The following TXK variants were observed in gnomAD, a reference collection of about 807,000 sequenced individuals.
TXK encodes TXK tyrosine kinase.
In TXK, 60 loss-of-function variants were observed where a neutral mutation model predicts 81.0. The observed-to-expected ratio is 0.74, with a 90% CI of 0.60 to 0.92. TXK has a LOEUF of 0.92. Among genes scored for constraint, TXK ranks in the 40% least tolerant of loss-of-function variants. The probability of loss-of-function intolerance (pLI) is 0.00; values close to 1 mark genes in which losing one functional copy is unlikely to be tolerated. For synonymous variants in TXK, 203 were observed against 210.7 expected (o/e 0.96, Z 0.32); for missense variants, 581 against 638.3 (o/e 0.91, Z 0.97).
chr4:48,095,672 C>A (rs879862705), intron 6 of TXK, among the ~76,000 whole-genome samples: 3 of 151,816 alleles, frequency 2.0e-5, no homozygotes, highest in Admixed American at 6.6e-5. Context: ...GGGAAGGACA[C>A]CAGAGTTCAT....
chr4:48,125,512 G>A (rs1235529104), intron 1 of TXK, among the ~76,000 whole-genome samples: 1 of 152,210 alleles, frequency 6.6e-6, no homozygotes, highest in Non-Finnish European at 1.5e-5. Flanking sequence ...AAAGGCAGAT[G>A]TTTCCCCCGT....
At chr4:48,121,483 T>C (rs561130941) in intron 1 of TXK, among the ~76,000 whole-genome samples, 2 of 152,206 alleles carry the variant, frequency 1.3e-5, no homozygotes, top group African/African-American at 4.8e-5. Flanking sequence ...CCAGTGTCCA[T>C]GGGAGATTGG....
intron 1 of TXK, among the ~76,000 whole-genome samples, chr4:48,120,006 A>G (rs1718903448): frequency 6.6e-6 from 1 of 151,972 alleles, no homozygotes; most frequent in South Asian, 2.1e-4. Context: ...TTCAAATTCA[A>G]AATTTTAAAA....
At chr4:48,133,037 T>C (rs1164927407) in intron 1 of TXK, among the ~76,000 whole-genome samples, 3 of 152,198 alleles carry the variant, frequency 2.0e-5, no homozygotes, top group South Asian at 4.1e-4. Flanking sequence ...ACAATTTTCT[T>C]ATTGGCTAGA....
chr4:48,098,959 G>A (rs1411116761), intron 6 of TXK, among the ~76,000 whole-genome samples: 1 of 151,192 alleles, frequency 6.6e-6, no homozygotes, highest in Non-Finnish European at 1.5e-5. Flanking sequence ...AAAAAAAAAT[G>A]GGAAAAAAGA....
At chr4:48,079,757 A>C (rs1717220655) in intron 11 of TXK, among the ~76,000 whole-genome samples, 155 bp downstream of exon 11, 1 of 152,234 alleles carries the variant, frequency 6.6e-6, no homozygotes. Flanking sequence ...TGGACAATTG[A>C]AAACAAAGTT....
Position 48,112,352 on chromosome 4 carries a change from A to C in TXK, c.335T>G (p.Leu112Arg). The stretch of plus-strand genomic sequence containing the variant: ...CCACCAGTGAGGATTGTATTTCTCC[A>C]GTATCAGGTATTCTTCTGCTCTCCT... ...ALRRAEEYLI[L>R]EKYNPHWWKA... The change falls in exon 4 of 15, where the codon CTG becomes CGG. Residue 112 changes from leucine to arginine, a missense_variant. Coordinates refer to ENST00000264316, the MANE Select transcript of TXK (RefSeq NM_003328.3). 1 of 1,614,222 alleles carries C rather than the reference A, an allele frequency of 6.2e-7. No homozygotes were observed. Among genetic ancestry groups the C allele is most frequent in the South Asian group, 1.1e-5 (1 of 91,086 alleles).
chr4:48,094,983 G>A (rs1717927482), intron 7 of TXK, among the ~76,000 whole-genome samples, 160 bp downstream of exon 7: 1 of 152,200 alleles, frequency 6.6e-6, no homozygotes, highest in African/African-American at 2.4e-5. Flanking sequence ...CTTATGCAAT[G>A]TCACACAGAG....
intron 11 of TXK, 87 bp downstream of exon 11, chr4:48,079,825 A>G (rs1717222532): frequency 1.1e-6 from 1 of 913,450 alleles, no homozygotes. Context: ...TCAAGGACAC[A>G]TTATTCAAAG....
intron 10 of TXK, among the ~76,000 whole-genome samples, chr4:48,083,047 T>C (rs1175047752): frequency 1.3e-5 from 2 of 152,252 alleles, no homozygotes; most frequent in Non-Finnish European, 2.9e-5. Context: ...GCTGTCATAC[T>C]GGCCCCCTGC....
intron 14 of TXK, among the ~76,000 whole-genome samples, chr4:48,068,626 T>A (rs1180738638): frequency 1.8e-4 from 27 of 152,226 alleles, no homozygotes; most frequent in Non-Finnish European, 2.9e-5. Flanking sequence ...ATATCCCTGG[T>A]CATGGAGCCA....
chr4:48,102,518 G>C (rs982266551), intron 6 of TXK, among the ~76,000 whole-genome samples: 2 of 152,202 alleles, frequency 1.3e-5, no homozygotes, highest in African/African-American at 4.8e-5. Flanking sequence ...TTGGAAACCA[G>C]TTTATCTCAT....
At chr4:48,107,193 C>A (rs1718483253) in intron 5 of TXK, among the ~76,000 whole-genome samples, 1 of 151,016 alleles carries the variant, frequency 6.6e-6, no homozygotes, top group Non-Finnish European at 1.5e-5. Flanking sequence ...GTTCTTACTT[C>A]TTTAGATTTA....
At position 48,085,705 on chromosome 4, in the gene TXK, A is replaced by G. The variant is rs78661579; in HGVS notation, c.956+761T>C. Among the ~76,000 whole-genome samples, 678 of 152,274 alleles carry G rather than the reference A, an allele frequency of 4.5e-3. 3 individuals are homozygous for G. The highest frequency in any genetic ancestry group is 0.014 in the Middle Eastern group (4 of 294). ...GAGCAGTGCAGCAGAGAAGAAGAGA[A>G]GAGGAGGAGTGTCTAAACATTGAGA... On this transcript the variant is annotated intron_variant, in intron 10 of 14. Coordinates refer to ENST00000264316, the MANE Select transcript of TXK (RefSeq NM_003328.3).
intron 3 of TXK, 141 bp from the exon 4 acceptor site, chr4:48,112,653 A>G: frequency 1.3e-6 from 1 of 794,366 alleles, no homozygotes; most frequent in Non-Finnish European, 1.9e-6. Flanking sequence ...AGATAAATGT[A>G]GAAAAGGACT....
chr4:48,132,397 C>A (rs537536170), intron 1 of TXK, among the ~76,000 whole-genome samples: 1 of 152,236 alleles, frequency 6.6e-6, no homozygotes, highest in South Asian at 2.1e-4. Context: ...GTTCTTAAAG[C>A]ACCTCTCAGG....
chr4:48,101,769 C>T (rs1718203667), intron 6 of TXK, among the ~76,000 whole-genome samples: 1 of 149,466 alleles, frequency 6.7e-6, no homozygotes, highest in Non-Finnish European at 1.5e-5. Context: ...TTAACTACTT[C>T]AAGAGGAAGA....
chr4:48,102,579 A>C (rs1718239280), intron 6 of TXK, among the ~76,000 whole-genome samples: 1 of 152,234 alleles, frequency 6.6e-6, no homozygotes, highest in Admixed American at 6.5e-5. Context: ...TGTTTTGAAA[A>C]TATCTAATAA....
intron 9 of TXK, 44 bp from the exon 10 acceptor site, chr4:48,086,681 G>T: frequency 1.3e-6 from 2 of 1,560,744 alleles, no homozygotes; most frequent in Non-Finnish European, 1.8e-6. Flanking sequence ...AAGAAAGACT[G>T]TTAAAATATT....
Sources: allele counts gnomAD v4.1 joint callset (sites outside exome capture counted in the v4.1 genomes callset), GRCh38; gene constraint gnomAD v4.1.1; transcripts MANE v1.5; gene names NCBI Gene and HGNC (gene_info 2026-07-23, HGNC 2026-07-21).